Variants in KCNJ8 observed in about 807,000 individuals in gnomAD.
KCNJ8 encodes the protein ATP-sensitive inward rectifier potassium channel 8.
In KCNJ8, 13 loss-of-function variants were observed where a neutral mutation model predicts 28.2. The observed-to-expected ratio is 0.46, with a 90% confidence interval of 0.30 to 0.73. The LOEUF (loss-of-function observed/expected upper bound fraction) is 0.73, where lower values mean the gene tolerates loss of function less well. KCNJ8 is among the 30% of genes least tolerant of loss of function. The pLI, the probability that KCNJ8 is intolerant of heterozygous loss-of-function variation, is 0.07. For synonymous variants in KCNJ8, 188 were observed against 195.9 expected (o/e 0.96, Z 0.34); for missense variants, 284 against 542.6 (o/e 0.52, Z 4.73).
Position 21,765,668 on chromosome 12 carries a change from G to T in KCNJ8, c.*55C>A. 1 of 1,462,430 alleles carries T rather than the reference G, an allele frequency of 6.8e-7. No individual in the cohort carries two copies. Among genetic ancestry groups the T allele is most frequent in the African/African-American group, 1.4e-5 (1 of 71,920 alleles). 90.6% of individuals were successfully genotyped at this position (1,462,430 alleles called of 1,614,324 possible). A position where few individuals can be genotyped will look rare whatever the true frequency, so the allele number is the denominator to read the frequency against. Reference sequence around the variant, plus strand: ...TCCAGCTCTGGTTCAGTCTGGCAGTGCCCAGCATAAACCGTCAAAACTTGA... The same window carrying T: ...TCCAGCTCTGGTTCAGTCTGGCAGTTCCCAGCATAAACCGTCAAAACTTGA... On this transcript the variant is annotated 3_prime_UTR_variant, in exon 3 of 3. Coordinates refer to ENST00000240662, the MANE Select transcript of KCNJ8 (RefSeq NM_004982.4).
At position 21,766,124 on chromosome 12, in the gene KCNJ8, C is replaced by T. The variant is rs896322908; in HGVS notation, c.874G>A (p.Val292Ile). 3.2e-5 allele frequency: 51 copies of T among 1,614,040 alleles called. No individual in the cohort carries two copies. The highest frequency in any genetic ancestry group is 4.2e-5 in the Non-Finnish European group (50 of 1,180,040). Residue 292 changes from valine to isoleucine, a missense_variant, in exon 3 of 3, where the codon GTC (valine) becomes ATC (isoleucine). By Grantham distance (29) the Val-to-Ile change is conservative. Transcript: ENST00000240662. The surrounding 1 kb of genome is among the most constrained non-coding windows in gnomAD (Gnocchi z 6.5). ...ATDLANQDLE[V>I]IVILEGVVET... is the part of the protein sequence containing the mutation. ...ACCACTCCTTCCAGAATAACTATGA[C>T]CTCCAAGTCTTGGTTGGCCAGGTCA...
chr12:21,765,504 C>T lies in KCNJ8; in HGVS notation c.*219G>A, dbSNP rs754721101. On this transcript the variant is annotated 3_prime_UTR_variant, in exon 3 of 3. Coordinates refer to ENST00000240662, the MANE Select transcript of KCNJ8 (RefSeq NM_004982.4). ...TGCACATAACTTAAGTATATCACTG[C>T]GAATTCTACATGTATGAAACAAGCA... 19 of 590,384 alleles carry T rather than the reference C, an allele frequency of 3.2e-5. 1 individual carries two copies. Among genetic ancestry groups the T allele is most frequent in the African/African-American group, 1.5e-4 (8 of 53,696 alleles). The allele number at this position is 590,384 out of a possible 1,614,324, so 36.6% of individuals were successfully genotyped here.
intron 2 of KCNJ8, among the ~76,000 whole-genome samples, chr12:21,767,389 A>G (rs1940657070): frequency 1.6e-5 from 2 of 126,480 alleles, no homozygotes; most frequent in Admixed American, 1.1e-4. Context: ...GCAGGAGGTG[A>G]GTAGTGGGTA....
Position 21,765,664 on chromosome 12 carries a change from C to T in KCNJ8, c.*59G>A. ...GTGTTCCAGCTCTGGTTCAGTCTGG[C>T]AGTGCCCAGCATAAACCGTCAAAAC... On this transcript the variant is annotated 3_prime_UTR_variant, in exon 3 of 3. Transcript: ENST00000240662. 2.1e-6 allele frequency: 3 copies of T among 1,403,466 alleles called. No homozygotes were observed. Among genetic ancestry groups the T allele is most frequent in the Non-Finnish European group, 3.0e-6 (3 of 988,592 alleles). 86.9% of individuals were successfully genotyped at this position (1,403,466 alleles called of 1,614,324 possible).
intron 2 of KCNJ8, among the ~76,000 whole-genome samples, chr12:21,768,425 C>T (rs920466238): frequency 6.6e-6 from 1 of 152,168 alleles, no homozygotes; most frequent in East Asian, 1.9e-4. Context: ...TTGTTTCTTC[C>T]CCTTTCATCA....
At chr12:21,772,966 T>C (rs370177031) in intron 2 of KCNJ8, among the ~76,000 whole-genome samples, 98 of 152,332 alleles carry the variant, frequency 6.4e-4, no homozygotes, top group Non-Finnish European at 1.1e-3. Context: ...TGTAATCCTT[T>C]GAATTACAAT....
At chr12:21,771,098 T>C (rs1370796111) in intron 2 of KCNJ8, among the ~76,000 whole-genome samples, 1 of 152,148 alleles carries the variant, frequency 6.6e-6, no homozygotes, top group African/African-American at 2.4e-5. Flanking sequence ...CAAAAAGATA[T>C]CTGGTATAGC....
chr12:21,766,201 A>T lies in KCNJ8; in HGVS notation c.797T>A (p.Ile266Asn), dbSNP rs1233555862. The T allele has an allele frequency of 6.2e-7, 1 of 1,613,964 alleles. No homozygotes were observed. The highest frequency in any genetic ancestry group is 8.5e-7 in the Non-Finnish European group (1 of 1,180,006). ...SNNIFLVAPL[I>N]ICHVIDKRSP... ...GCGCTTGTCAATCACGTGGCAGATG[A>T]TCAAAGGGGCCACCAGAAAAATGTT... The change falls in exon 3 of 3, where the codon ATC becomes AAC. Residue 266 changes from isoleucine to asparagine, a missense_variant. Transcript: ENST00000240662. This position sits in a 1 kb window ranked among gnomAD's most constrained non-coding sequence, Gnocchi z 6.5.
In KCNJ8 at chr12:21,766,687, A is replaced by G; in HGVS notation, c.375-64T>C. On this transcript the variant is annotated intron_variant, in intron 2 of 2. Transcript: ENST00000240662. The surrounding 1 kb of genome is among the most constrained non-coding windows in gnomAD (Gnocchi z 6.5). ...ACATTTTGAATAATGAAATATGCCAAGCTGAGCTTTTCATTTTCTTCCACC... is the reference window on the plus strand; with the variant it reads ...ACATTTTGAATAATGAAATATGCCAGGCTGAGCTTTTCATTTTCTTCCACC... 7.5e-7 allele frequency: 1 copy of G among 1,326,424 alleles called. No individual in the cohort carries two copies. The highest frequency in any genetic ancestry group is 1.1e-6 in the Non-Finnish European group (1 of 942,400). The allele number at this position is 1,326,424 out of a possible 1,614,324, so 82.2% of individuals were successfully genotyped here.
rs1307218598 is a variant in KCNJ8, at chr12:21,765,906, G to A, written c.1092C>T (p.Ile364=). 6.2e-7 allele frequency: 1 copy of A among 1,614,036 alleles called. No homozygotes were observed. Among genetic ancestry groups the A allele is most frequent in the East Asian group, 2.2e-5 (1 of 44,888 alleles). Residue 364 remains isoleucine, a synonymous_variant, in exon 3 of 3, where the codon ATC becomes ATT. Transcript: ENST00000240662. ...SARELDEKPS[I]LIQTLQKSEL... The stretch of plus-strand genomic sequence containing the variant: ...CACTCTTTTGGAGGGTCTGAATAAG[G>A]ATGGAAGGTTTCTCATCCAGCTCTC...
intron 2 of KCNJ8, among the ~76,000 whole-genome samples, chr12:21,769,761 G>A (rs544978209): frequency 1.3e-5 from 2 of 152,302 alleles, no homozygotes; most frequent in South Asian, 4.1e-4. Context: ...GGGAGTCACT[G>A]CACATGTGGT....
chr12:21,768,689 T>C (rs1311381334), intron 2 of KCNJ8, among the ~76,000 whole-genome samples: 1 of 152,204 alleles, frequency 6.6e-6, no homozygotes, highest in Non-Finnish European at 1.5e-5. Context: ...GCTACTCCAG[T>C]GAAGACACAA....
At chr12:21,768,876 A>T (rs1940695969) in intron 2 of KCNJ8, among the ~76,000 whole-genome samples, 1 of 152,216 alleles carries the variant, frequency 6.6e-6, no homozygotes, top group African/African-American at 2.4e-5. Flanking sequence ...GAAAAGTTTA[A>T]AGCTAGAAGA....
At chr12:21,767,333 C>G (rs1050459044) in intron 2 of KCNJ8, among the ~76,000 whole-genome samples, 4 of 130,954 alleles carry the variant, frequency 3.1e-5, no homozygotes, top group Non-Finnish European at 6.4e-5. Context: ...ACCTCCAGGC[C>G]AGGGACCAGT....
At chr12:21,767,435 G>A (rs1940657685) in intron 2 of KCNJ8, among the ~76,000 whole-genome samples, 1 of 151,704 alleles carries the variant, frequency 6.6e-6, no homozygotes, top group South Asian at 2.1e-4. Flanking sequence ...CCTCCAGTCA[G>A]GTTAGTGGAG....
intron 2 of KCNJ8, among the ~76,000 whole-genome samples, chr12:21,772,063 C>T (rs555512183): frequency 1.2e-4 from 18 of 152,126 alleles, no homozygotes; most frequent in African/African-American, 1.7e-4. Context: ...GTGATCTCTG[C>T]GCACTAATGC....
chr12:21,765,841 A>G lies in KCNJ8; in HGVS notation c.1157T>C (p.Met386Thr). 1 of 1,614,092 alleles carries G rather than the reference A, an allele frequency of 6.2e-7. No individual in the cohort carries two copies. Among genetic ancestry groups the G allele is most frequent in the Non-Finnish European group, 8.5e-7 (1 of 1,179,962 alleles). The change falls in exon 3 of 3, where the codon ATG (methionine) becomes ACG (threonine). Residue 386 changes from methionine (M) to threonine (T), a missense_variant. Physicochemically the swap from Met to Thr is moderately conservative, Grantham distance 81. This residue lies in a region of KCNJ8 where 50 missense variants were observed against 55.9 expected (regional missense o/e 0.90). Transcript: ENST00000240662. ...HQNSLRKRNS[M>T]RRNNSMRRNN... is the part of the protein sequence containing the mutation. Reference sequence around the variant, plus strand: ...CCTCCTCATGGAATTGTTTCTTCTCATGGAGTTGCGCTTCCTCAGAGAATT... The same window carrying G: ...CCTCCTCATGGAATTGTTTCTTCTCGTGGAGTTGCGCTTCCTCAGAGAATT...
rs1285627583 is a variant in KCNJ8, at chr12:21,765,596, T to C, written c.*127A>G. 3.6e-6 allele frequency: 3 copies of C among 840,404 alleles called. No individual in the cohort carries two copies. Among genetic ancestry groups the C allele is most frequent in the Non-Finnish European group, 6.1e-6 (3 of 489,120 alleles). The allele number at this position is 840,404 out of a possible 1,614,324, so 52.1% of individuals were successfully genotyped here. Reference sequence around the variant, plus strand: ...TACAGAAAGTGCTGTTGCTTGAATATGAATATCATTTAGTGTAATAAAATG... The same window carrying C: ...TACAGAAAGTGCTGTTGCTTGAATACGAATATCATTTAGTGTAATAAAATG... On this transcript the variant is annotated 3_prime_UTR_variant, in exon 3 of 3. Transcript: ENST00000240662.
In KCNJ8 at chr12:21,773,579, A is replaced by G; in HGVS notation, c.38T>C (p.Val13Ala). The change falls in exon 2 of 3, where the codon GTG becomes GCG. Residue 13 changes from valine (V) to alanine (A), a missense_variant. Coordinates refer to ENST00000240662, the MANE Select transcript of KCNJ8 (RefSeq NM_004982.4). The surrounding 1 kb of genome is among the most constrained non-coding windows in gnomAD (Gnocchi z 4.6). ...ARKSIIPEEY[V>A]LARIAAENLR... ...GTTCTCTGCGGCGATGCGCGCCAGC[A>G]CATACTCCTCCGGGATGATACTCTT... 6.2e-7 allele frequency: 1 copy of G among 1,613,980 alleles called. No homozygotes were observed. Among genetic ancestry groups the G allele is most frequent in the Non-Finnish European group, 8.5e-7 (1 of 1,180,038 alleles).
Sources: gnomAD v4.1 joint callset for allele counts (sites outside exome capture counted in the v4.1 genomes callset) on GRCh38, gnomAD v4.1.1 for gene constraint, gnomAD v4.1.1 regional missense constraint, Gnocchi (gnomAD v3.1) non-coding constraint, MANE v1.5 for transcripts, NCBI Gene and HGNC (gene_info 2026-07-23, HGNC 2026-07-21) for gene names.